Variants in PIP5K1C observed in about 807,000 individuals in gnomAD.
PIP5K1C encodes the protein phosphatidylinositol 4-phosphate 5-kinase type-1 gamma.
A neutral mutation model predicts 80.1 loss-of-function variants in PIP5K1C; 45 were observed. The ratio of observed to expected loss-of-function variants is 0.56; its 90% CI spans 0.44 to 0.72. The LOEUF (loss-of-function observed/expected upper bound fraction) is 0.72. Ranked by LOEUF, PIP5K1C falls within the 30% of genes least tolerant of loss-of-function variation. PIP5K1C has a pLI of 0.00. For missense variants in PIP5K1C, 753 were observed against 954.6 expected, an observed-to-expected ratio of 0.79 and a Z score of 2.78; for synonymous variants, 498 against 420.1, an observed-to-expected ratio of 1.19 and a Z score of -2.27.
At chr19:3,672,900 C>T (rs954357416) in intron 1 of PIP5K1C, among the ~76,000 whole-genome samples, 14 of 78,062 alleles carry the variant, frequency 1.8e-4, no homozygotes, top group Middle Eastern at 7.8e-3. Flanking sequence ...GCGGTGGGGG[C>T]GGGGGGAGAG....
intron 15 of PIP5K1C, 107 bp from the exon 16 acceptor site, chr19:3,639,123 A>G: frequency 7.4e-7 from 1 of 1,360,506 alleles, no homozygotes; most frequent in Non-Finnish European, 1.0e-6. Context: ...CATCACGGAG[A>G]TGAAAAGCCA....
intron 1 of PIP5K1C, among the ~76,000 whole-genome samples, chr19:3,672,089 C>T (rs963059322): frequency 2.0e-5 from 3 of 152,214 alleles, no homozygotes; most frequent in African/African-American, 4.8e-5. Context: ...CTGCGGTGCA[C>T]GGCTCTGATC....
rs2145352823 is a variant in PIP5K1C, at chr19:3,631,312, T to C, written c.*1855A>G. On this transcript the variant is annotated 3_prime_UTR_variant, in exon 18 of 18. Coordinates refer to ENST00000335312, the MANE Select transcript of PIP5K1C (RefSeq NM_012398.3). ...GCCTCTGGGGGTTGGGCCTTTGAGA[T>C]GACAATGCCCCTGTCCCTGCTGGCC... 6.6e-6 allele frequency: 1 copy of C among 152,452 alleles called. No individual in the cohort carries two copies. Among genetic ancestry groups the C allele is most frequent in the East Asian group, 1.9e-4 (1 of 5,160 alleles). 9.4% of individuals were successfully genotyped at this position (152,452 alleles called of 1,614,324 possible). A position where few individuals can be genotyped will look rare whatever the true frequency, so the allele number is the denominator to read the frequency against.
At chr19:3,695,286 C>T (rs749043901) in intron 1 of PIP5K1C, among the ~76,000 whole-genome samples, 3 of 152,190 alleles carry the variant, frequency 2.0e-5, no homozygotes, top group Admixed American at 1.3e-4. Context: ...CGGACCCCAG[C>T]GCCCAGGTGA....
In PIP5K1C at chr19:3,688,075, C is replaced by T. The variant is rs1227782657; in HGVS notation, c.94+12222G>A. Among the ~76,000 whole-genome samples the T allele has an allele frequency of 1.3e-5, 2 of 152,158 alleles. No individual in the cohort carries two copies. Among genetic ancestry groups the T allele is most frequent in the African/African-American group, 4.8e-5 (2 of 41,434 alleles). On this transcript the variant is annotated intron_variant, in intron 1 of 17. Coordinates refer to ENST00000335312, the MANE Select transcript of PIP5K1C (RefSeq NM_012398.3). The surrounding 1 kb of genome is among the most constrained non-coding windows in gnomAD (Gnocchi z 5.3). ...TCAGGGTGCACAGAGCACACGCCAGCCCCTGGGGGAAGCCCGGCCCGTGCG... is the reference window on the plus strand; with the variant it reads ...TCAGGGTGCACAGAGCACACGCCAGTCCCTGGGGGAAGCCCGGCCCGTGCG...
In PIP5K1C at chr19:3,637,817, C is replaced by T; in HGVS notation, c.1920+1067G>A. 1 of 1,535,092 alleles carries T rather than the reference C, an allele frequency of 6.5e-7. No individual in the cohort carries two copies. The highest frequency in any genetic ancestry group is 8.7e-7 in the Non-Finnish European group (1 of 1,146,638). Reference sequence around the variant, plus strand: ...TCTCCCTTCTCTGCTGCCCACCTGGCAGGGCATCAGGACACAGACACACAG... The same window carrying T: ...TCTCCCTTCTCTGCTGCCCACCTGGTAGGGCATCAGGACACAGACACACAG... On this transcript the variant is annotated intron_variant, in intron 16 of 17. Coordinates refer to ENST00000335312, the MANE Select transcript of PIP5K1C (RefSeq NM_012398.3). The surrounding 1 kb of genome is among the most constrained non-coding windows in gnomAD (Gnocchi z 7.0).
At chr19:3,667,187 C>T in intron 2 of PIP5K1C, 135 bp downstream of exon 2, 1 of 750,102 alleles carries the variant, frequency 1.3e-6, no homozygotes. Context: ...GTTCATCCTG[C>T]TTGTGGACAC....
At chr19:3,652,617 G>T (rs1014071453) in intron 7 of PIP5K1C, among the ~76,000 whole-genome samples, 2 of 152,226 alleles carry the variant, frequency 1.3e-5, no homozygotes, top group Non-Finnish European at 2.9e-5. Context: ...GGTGGGACGG[G>T]GACGACGGAG....
intron 1 of PIP5K1C, among the ~76,000 whole-genome samples, chr19:3,679,663 C>T: frequency 6.6e-6 from 1 of 152,164 alleles, no homozygotes; most frequent in Non-Finnish European, 1.5e-5. Flanking sequence ...GGAGGGGGAG[C>T]ACTGGAGAGG....
chr19:3,679,826 C>G (rs1183766201), intron 1 of PIP5K1C, among the ~76,000 whole-genome samples: 1 of 152,236 alleles, frequency 6.6e-6, no homozygotes, highest in Non-Finnish European at 1.5e-5. Flanking sequence ...GCTTGACGTG[C>G]TGCGCTGGGC....
Position 3,644,248 on chromosome 19 carries a change from A to C in PIP5K1C, c.1349T>G (p.Leu450Arg). Residue 450 changes from leucine (L) to arginine (R), a missense_variant, in exon 12 of 18, where the codon CTG becomes CGG. Coordinates refer to ENST00000335312, the MANE Select transcript of PIP5K1C (RefSeq NM_012398.3). The stretch of plus-strand genomic sequence containing the variant: ...CCCCTTCTTGGAGGGCGAGGACTTC[A>C]GGGCTGCAGGGAAGGGTGGGGGTTG... ...SNTVFRKNSS[L>R]KSSPSKKGRG... 2.5e-6 allele frequency: 4 copies of C among 1,611,714 alleles called. No individual in the cohort carries two copies. The highest frequency in any genetic ancestry group is 3.4e-6 in the Non-Finnish European group (4 of 1,179,550).
At chr19:3,643,150 T>G in intron 13 of PIP5K1C, 93 bp downstream of exon 13, 1 of 1,583,300 alleles carries the variant, frequency 6.3e-7, no homozygotes, top group Non-Finnish European at 8.6e-7. Context: ...TCCACCCACA[T>G]GCACAGCGGA....
At chr19:3,682,780 C>T (rs759673292) in intron 1 of PIP5K1C, among the ~76,000 whole-genome samples, 5 of 152,184 alleles carry the variant, frequency 3.3e-5, no homozygotes, top group Admixed American at 6.5e-5. Context: ...GAGGCAGTCC[C>T]GGCTGACAGC....
chr19:3,633,926 T>C (rs577199370), intron 16 of PIP5K1C, among the ~76,000 whole-genome samples: 11 of 152,128 alleles, frequency 7.2e-5, no homozygotes, highest in African/African-American at 2.4e-4. Context: ...GCGCACAGGC[T>C]CCTGGAAGCT....
At chr19:3,693,280 G>T (rs55909313) in intron 1 of PIP5K1C, among the ~76,000 whole-genome samples, 1 of 152,064 alleles carries the variant, frequency 6.6e-6, no homozygotes, top group Non-Finnish European at 1.5e-5. Flanking sequence ...GAGAGCGGCC[G>T]GGCAGGGTGC....
chr19:3,664,737 T>C lies in PIP5K1C; in HGVS notation c.219+85A>G, dbSNP rs112627735. The C allele has an allele frequency of 7.2e-4, 823 of 1,147,414 alleles. 1 individual carries two copies. The highest frequency in any genetic ancestry group is 6.3e-3 in the African/African-American group (415 of 66,130). The allele number at this position is 1,147,414 out of a possible 1,614,324, so 71.1% of individuals were successfully genotyped here. A position where few individuals can be genotyped will look rare whatever the true frequency, so the allele number is the denominator to read the frequency against. On this transcript the variant is annotated intron_variant, in intron 3 of 17. Coordinates refer to ENST00000335312, the MANE Select transcript of PIP5K1C (RefSeq NM_012398.3). ...AGACCCTGGTTTGTGTCGGGGGCGATAGGCCCCATCCATGCTACCAGTGGG... is the reference window on the plus strand; with the variant it reads ...AGACCCTGGTTTGTGTCGGGGGCGACAGGCCCCATCCATGCTACCAGTGGG...
At chr19:3,669,154 G>A (rs963616663) in intron 1 of PIP5K1C, among the ~76,000 whole-genome samples, 5 of 152,216 alleles carry the variant, frequency 3.3e-5, no homozygotes, top group African/African-American at 1.2e-4. Context: ...CTGAGGTCTG[G>A]CAGCTGGGGG....
intron 8 of PIP5K1C, among the ~76,000 whole-genome samples, chr19:3,651,055 GTTTTTTTTTTTTTTTT>G (rs60438258): frequency 7.9e-6 from 1 of 127,292 alleles, no homozygotes; most frequent in Non-Finnish European, 1.6e-5. Context: ...CGCGCCCAGC[GTTTTTTTTTTTTTTTT>G]TAAGACAGGG....
At chr19:3,645,796 G>C (rs2034188489) in intron 11 of PIP5K1C, among the ~76,000 whole-genome samples, 178 bp downstream of exon 11, 1 of 152,236 alleles carries the variant, frequency 6.6e-6, no homozygotes, top group Non-Finnish European at 1.5e-5. Flanking sequence ...CCGCTGTGCA[G>C]AGCAAATATC....
Sources: gnomAD v4.1 joint callset for allele counts (sites outside exome capture counted in the v4.1 genomes callset) on GRCh38, gnomAD v4.1.1 for gene constraint, Gnocchi (gnomAD v3.1) non-coding constraint, MANE v1.5 for transcripts, NCBI Gene and HGNC (gene_info 2026-07-23, HGNC 2026-07-21) for gene names.